The following PCDH11X variants were observed in gnomAD, a reference collection of about 807,000 sequenced individuals.
PCDH11X encodes the protein protocadherin 11 X-linked.
Under a neutral mutation model 53.3 loss-of-function variants are expected in PCDH11X, and 18 were observed. The ratio of observed to expected loss-of-function variants is 0.34; its 90% confidence interval spans 0.23 to 0.50. PCDH11X has a LOEUF of 0.50. Ranked by LOEUF, PCDH11X falls within the 20% of genes least tolerant of loss-of-function variation. The pLI is 0.98. For synonymous variants in PCDH11X, 279 were observed against 393.3 expected, an observed-to-expected ratio of 0.71 and a Z score of 3.44; for missense variants, 570 against 1,032.4, an observed-to-expected ratio of 0.55 and a Z score of 6.14.
At chrX:91,797,835 G>A (rs982070060) in intron 1 of PCDH11X, among the ~76,000 whole-genome samples, 2 of 111,153 alleles carry the variant, frequency 1.8e-5, no homozygotes, top group Admixed American at 9.6e-5. Flanking sequence ...ATGAGTCAAA[G>A]ATATTGATCA....
At chrX:92,377,391 A>G (rs1225122086) in intron 8 of PCDH11X, among the ~76,000 whole-genome samples, 1 of 110,712 alleles carries the variant, frequency 9.0e-6, no homozygotes, top group African/African-American at 3.3e-5. Flanking sequence ...CAATGCCATG[A>G]GATTCATAGC....
intron 4 of PCDH11X, among the ~76,000 whole-genome samples, chrX:91,822,786 T>C (rs1936743634): frequency 8.9e-6 from 1 of 111,875 alleles, no homozygotes; most frequent in Admixed American, 9.5e-5. Flanking sequence ...TTTTGGATCT[T>C]TCCTGCTTTC....
intron 8 of PCDH11X, among the ~76,000 whole-genome samples, chrX:92,317,545 G>A (rs935807026): frequency 3.6e-5 from 4 of 111,491 alleles, no homozygotes; most frequent in East Asian, 2.8e-4. Context: ...CCAGTGGTAC[G>A]TACAATATCT....
chrX:92,585,731 T>A (rs1019026950), intron 10 of PCDH11X, among the ~76,000 whole-genome samples: 1 of 111,100 alleles, frequency 9.0e-6, no homozygotes, highest in Non-Finnish European at 1.9e-5. Context: ...ACATTTTGCA[T>A]CAAATGTGAT....
intron 6 of PCDH11X, among the ~76,000 whole-genome samples, chrX:91,954,649 A>G (rs1569274568): frequency 2.7e-5 from 3 of 110,390 alleles, no homozygotes; most frequent in Admixed American, 1.9e-4. Context: ...AATAATAGCC[A>G]TTCTGGATGA....
chrX:92,461,940 C>T (rs1210333632), intron 9 of PCDH11X, among the ~76,000 whole-genome samples: 2 of 112,077 alleles, frequency 1.8e-5, no homozygotes, highest in East Asian at 5.6e-4. Flanking sequence ...GGCCTACCTT[C>T]AAGTGTTTAA....
At chrX:91,890,988 A>G (rs777768941) in intron 6 of PCDH11X, among the ~76,000 whole-genome samples, 3 of 101,820 alleles carry the variant, frequency 2.9e-5, no homozygotes, top group South Asian at 9.2e-4. Context: ...GTTTATTATC[A>G]TTTCTGATTT....
chrX:92,313,556 G>A (rs1263843334), intron 8 of PCDH11X, among the ~76,000 whole-genome samples: 1 of 109,812 alleles, frequency 9.1e-6, no homozygotes, highest in Non-Finnish European at 1.9e-5. Flanking sequence ...ACGCCCAGTA[G>A]TGTTTGTTGT....
chrX:91,883,925 C>G (rs998011656), intron 6 of PCDH11X: 4 of 745,642 alleles, frequency 5.4e-6, no homozygotes, highest in African/African-American at 2.4e-5. Context: ...TGTGGTGGCT[C>G]ACACCTGTAA....
At chrX:92,578,132 G>A (rs1420744600) in intron 10 of PCDH11X, among the ~76,000 whole-genome samples, 2 of 91,444 alleles carry the variant, frequency 2.2e-5, no homozygotes, top group East Asian at 5.9e-4. Context: ...TCAGTGGGGT[G>A]TTAAAGTCTC....
At chrX:92,068,061 C>T (rs2063642653) in intron 6 of PCDH11X, among the ~76,000 whole-genome samples, 1 of 109,627 alleles carries the variant, frequency 9.1e-6, no homozygotes, top group Admixed American at 9.8e-5. Flanking sequence ...CTTAGTCGGG[C>T]TACAGATTAG....
At chrX:91,948,925 G>A (rs113808733) in intron 6 of PCDH11X, among the ~76,000 whole-genome samples, 1,611 of 110,934 alleles carry the variant, frequency 0.015, 39 homozygotes, top group African/African-American at 0.051. Flanking sequence ...AAGGATGGGG[G>A]ACTTTCTTTA....
intron 6 of PCDH11X, among the ~76,000 whole-genome samples, chrX:92,079,477 AC>A (rs36003350): frequency 1.8e-5 from 2 of 109,809 alleles, no homozygotes; most frequent in South Asian, 7.9e-4. Flanking sequence ...TCTGACTGAG[AC>A]CCCCTTGAAT....
At chrX:92,114,128 A>G (rs2064583468) in intron 6 of PCDH11X, 5 of 1,179,083 alleles carry the variant, frequency 4.2e-6, no homozygotes, top group South Asian at 3.6e-5. Context: ...TGCTGAGCCA[A>G]TTCTCGAGTG....
At chrX:91,985,556 A>G (rs1301370674) in intron 6 of PCDH11X, among the ~76,000 whole-genome samples, 1 of 112,485 alleles carries the variant, frequency 8.9e-6, no homozygotes, top group Non-Finnish European at 1.9e-5. Context: ...TTAATTTACG[A>G]CATTCAGGGA....
At chrX:91,998,515 C>T (rs1344928030) in intron 6 of PCDH11X, among the ~76,000 whole-genome samples, 5 of 108,120 alleles carry the variant, frequency 4.6e-5, no homozygotes, top group East Asian at 5.8e-4. Flanking sequence ...AAAAAAAATC[C>T]TCTTAGGTTG....
At chrX:92,036,464 T>C (rs766647306) in intron 6 of PCDH11X, among the ~76,000 whole-genome samples, 1 of 109,526 alleles carries the variant, frequency 9.1e-6, no homozygotes, top group African/African-American at 3.3e-5. Context: ...CGAGATTCGA[T>C]GGTTTTAAAA....
At chrX:92,464,611 A>G (rs1221706273) in intron 9 of PCDH11X, among the ~76,000 whole-genome samples, 1 of 110,873 alleles carries the variant, frequency 9.0e-6, no homozygotes, top group Non-Finnish European at 1.9e-5. Flanking sequence ...AGAACAAACT[A>G]ATACAGTAGC....
At chrX:92,077,622 G>GGA (rs2063794546) in intron 6 of PCDH11X, among the ~76,000 whole-genome samples, 200 of 96,164 alleles carry the variant, frequency 2.1e-3, no homozygotes, top group Middle Eastern at 0.011. Flanking sequence ...GGAAGGAAGG[G>GGA]AGGAAGGAAG....
Sources: gnomAD v4.1 joint callset for allele counts (sites outside exome capture counted in the v4.1 genomes callset) on GRCh38, gnomAD v4.1.1 for gene constraint, MANE v1.5 for transcripts, NCBI Gene and HGNC (gene_info 2026-07-23, HGNC 2026-07-21) for gene names.